PDE4D: variants seen among roughly 807,000 people sequenced by gnomAD.
The protein encoded by PDE4D is 3',5'-cyclic-AMP phosphodiesterase 4D.
PDE4D carries 24 observed loss-of-function variants against 87.4 expected under a neutral mutation model. The ratio of observed to expected loss-of-function variants is 0.27; its 90% confidence interval spans 0.20 to 0.39. PDE4D has a LOEUF of 0.39. Ranked by LOEUF, PDE4D falls within the 10% of genes least tolerant of loss-of-function variation. PDE4D has a pLI of 1.00. For missense variants in PDE4D, 714 were observed against 1,041.0 expected, an observed-to-expected ratio of 0.69 and a Z score of 4.32; for synonymous variants, 384 against 383.2, an observed-to-expected ratio of 1.00 and a Z score of -0.02.
At chr5:59,584,196 A>G (rs940406766) in intron 1 of PDE4D, among the ~76,000 whole-genome samples, 1 of 152,108 alleles carries the variant, frequency 6.6e-6, no homozygotes, top group Non-Finnish European at 1.5e-5. Context: ...AACCCCTACA[A>G]TCTCTTACTG....
intron 1 of PDE4D, among the ~76,000 whole-genome samples, chr5:59,614,622 C>T (rs1279668025): frequency 1.3e-5 from 2 of 152,114 alleles, no homozygotes; most frequent in African/African-American, 4.8e-5. Flanking sequence ...TTTACCTAAT[C>T]AGACAAGATT....
At chr5:60,481,910 T>C (rs995643560) in intron 1 of PDE4D, among the ~76,000 whole-genome samples, 2 of 152,178 alleles carry the variant, frequency 1.3e-5, no homozygotes, top group Non-Finnish European at 2.9e-5. Flanking sequence ...AATATTATAA[T>C]TTTTTTCATT....
At chr5:59,904,363 A>G (rs545713444) in intron 3 of PDE4D, among the ~76,000 whole-genome samples, 3 of 152,302 alleles carry the variant, frequency 2.0e-5, no homozygotes, top group Middle Eastern at 3.4e-3. Flanking sequence ...TAGAAACCTT[A>G]AATAAACAGA....
At chr5:60,414,798 G>A (rs1286608511) in intron 1 of PDE4D, among the ~76,000 whole-genome samples, 2 of 152,162 alleles carry the variant, frequency 1.3e-5, no homozygotes, top group African/African-American at 4.8e-5. Context: ...TTAAATCTGG[G>A]AGTCATTCCA....
At chr5:59,132,610 A>AT (rs1423968217) in intron 5 of PDE4D, among the ~76,000 whole-genome samples, 1 of 152,224 alleles carries the variant, frequency 6.6e-6, no homozygotes, top group Admixed American at 6.5e-5. Flanking sequence ...TAACGAATAC[A>AT]TAAAAATAAC....
chr5:59,440,846 T>A (rs1430216373), intron 1 of PDE4D, among the ~76,000 whole-genome samples: 1 of 152,156 alleles, frequency 6.6e-6, no homozygotes, highest in African/African-American at 2.4e-5. Flanking sequence ...GGAAATTCAG[T>A]CTTCCCCTAA....
At chr5:60,465,106 T>C (rs1747245005) in intron 1 of PDE4D, among the ~76,000 whole-genome samples, 1 of 151,754 alleles carries the variant, frequency 6.6e-6, no homozygotes, top group Non-Finnish European at 1.5e-5. Context: ...AACTTCATCT[T>C]TAAAAAAATA....
intron 1 of PDE4D, among the ~76,000 whole-genome samples, chr5:59,592,843 C>A (rs1826099420): frequency 6.6e-6 from 1 of 151,752 alleles, no homozygotes; most frequent in Non-Finnish European, 1.5e-5. Flanking sequence ...AGATGTGAAC[C>A]CTTATTTTCA....
intron 1 of PDE4D, among the ~76,000 whole-genome samples, chr5:60,373,080 G>A (rs1381628726): frequency 1.3e-5 from 2 of 152,112 alleles, no homozygotes; most frequent in Non-Finnish European, 2.9e-5. Flanking sequence ...ACTCAGAACC[G>A]TGAAAATACA....
chr5:60,439,345 T>C (rs1039669504), intron 1 of PDE4D, among the ~76,000 whole-genome samples: 6 of 152,104 alleles, frequency 3.9e-5, no homozygotes, highest in Non-Finnish European at 7.4e-5. Context: ...TAAATTTAGC[T>C]TGATATTCAT....
intron 1 of PDE4D, among the ~76,000 whole-genome samples, chr5:60,228,079 C>T (rs1403426267): frequency 6.6e-6 from 1 of 152,038 alleles, no homozygotes; most frequent in Non-Finnish European, 1.5e-5. Flanking sequence ...TCTCCTTGCC[C>T]TTTAAATAAT....
At chr5:59,558,332 T>C (rs1819332135) in intron 1 of PDE4D, among the ~76,000 whole-genome samples, 2 of 152,234 alleles carry the variant, frequency 1.3e-5, no homozygotes, top group South Asian at 2.1e-4. Context: ...GGATTAAAAC[T>C]GCAGTTCTCA....
chr5:59,525,728 G>C (rs947349108), intron 1 of PDE4D, among the ~76,000 whole-genome samples: 3 of 152,184 alleles, frequency 2.0e-5, no homozygotes, highest in African/African-American at 7.2e-5. Flanking sequence ...CATGGGAGGT[G>C]ATTAGATCAT....
chr5:59,126,181 G>C (rs1404161931), intron 5 of PDE4D, among the ~76,000 whole-genome samples: 1 of 148,768 alleles, frequency 6.7e-6, no homozygotes, highest in African/African-American at 2.5e-5. Flanking sequence ...AAGGAAAAAA[G>C]GAAGAAAGGA....
intron 2 of PDE4D, among the ~76,000 whole-genome samples, chr5:60,003,531 G>A (rs1764190252): frequency 6.6e-6 from 1 of 151,914 alleles, no homozygotes; most frequent in African/African-American, 2.4e-5. Flanking sequence ...CCAAGATGGT[G>A]AAATCCTATC....
chr5:59,918,154 G>T (rs1754278707), intron 3 of PDE4D, among the ~76,000 whole-genome samples: 1 of 151,770 alleles, frequency 6.6e-6, no homozygotes, highest in Non-Finnish European at 1.5e-5. Flanking sequence ...TTCTGTTATG[G>T]TTTGAAAGAT....
chr5:60,442,301 G>A (rs969105997), intron 1 of PDE4D, among the ~76,000 whole-genome samples: 1 of 152,168 alleles, frequency 6.6e-6, no homozygotes, highest in African/African-American at 2.4e-5. Flanking sequence ...GGACACGGAT[G>A]AAGCTGGACA....
intron 1 of PDE4D, among the ~76,000 whole-genome samples, chr5:59,689,156 T>A (rs1171850783): frequency 6.6e-6 from 1 of 152,186 alleles, no homozygotes; most frequent in Admixed American, 6.5e-5. Context: ...AAGGAGCTGG[T>A]AACATTCCTT....
chr5:59,802,960 C>A (rs915118774), intron 1 of PDE4D, among the ~76,000 whole-genome samples: 1 of 152,070 alleles, frequency 6.6e-6, no homozygotes, highest in East Asian at 1.9e-4. Flanking sequence ...ATAGAAAACA[C>A]GCTCCAAATG....
Sources: allele counts gnomAD v4.1 joint callset (sites outside exome capture counted in the v4.1 genomes callset), GRCh38; gene constraint gnomAD v4.1.1; transcripts MANE v1.5; gene names NCBI Gene and HGNC (gene_info 2026-07-23, HGNC 2026-07-21).